Variants in ARPC2 observed in about 807,000 individuals in gnomAD.
ARPC2 encodes actin-related protein 2/3 complex subunit 2.
In ARPC2, 4 loss-of-function variants were observed where a neutral mutation model predicts 38.6. The ratio of observed to expected loss-of-function variants is 0.10; its 90% CI spans 0.05 to 0.24. The LOEUF (loss-of-function observed/expected upper bound fraction) is 0.24. Ranked by LOEUF, ARPC2 falls within the 10% of genes least tolerant of loss-of-function variation. ARPC2 has a pLI of 1.00. For synonymous variants in ARPC2, 125 were observed against 140.8 expected (o/e 0.89, Z 0.79); for missense variants, 229 against 387.3 (o/e 0.59, Z 3.43).
chr2:218,217,407 C>T, intron 1 of ARPC2, 56 bp from the exon 2 acceptor site: 2 of 1,565,414 alleles, frequency 1.3e-6, no homozygotes, highest in Non-Finnish European at 1.8e-6. Flanking sequence ...CTCCCTCCGT[C>T]CTTGCCTCCC....
intron 7 of ARPC2, 98 bp from the exon 8 acceptor site, chr2:218,245,322 C>A: frequency 6.7e-7 from 1 of 1,496,474 alleles, no homozygotes; most frequent in Non-Finnish European, 9.1e-7. Flanking sequence ...GTCTGGAGGG[C>A]TACAAAGGTC....
chr2:218,217,344 T>C, intron 1 of ARPC2, 90 bp downstream of exon 1: 1 of 606,360 alleles, frequency 1.6e-6, no homozygotes. Context: ...CCCTCTCCCC[T>C]TCTCCCCTAA....
At chr2:218,253,089 C>A in intron 10 of ARPC2, 1 of 426,156 alleles carries the variant, frequency 2.3e-6, no homozygotes, top group South Asian at 1.7e-5. Context: ...CTCGATGGGC[C>A]GCCCAGAATT....
intron 2 of ARPC2, among the ~76,000 whole-genome samples, chr2:218,222,833 G>A (rs1689414585): frequency 6.6e-6 from 1 of 152,152 alleles, no homozygotes; most frequent in African/African-American, 2.4e-5. Context: ...GAGGATTGGG[G>A]GTGGGGGTAG....
chr2:218,218,802 ATTTTATC>A (rs1254517544), intron 2 of ARPC2, among the ~76,000 whole-genome samples: 1 of 152,222 alleles, frequency 6.6e-6, no homozygotes, highest in Non-Finnish European at 1.5e-5. Context: ...AAGGCCACAG[ATTTTATC>A]TGTAAAACAA....
chr2:218,233,882 C>T (rs1410279606), intron 4 of ARPC2: 7 of 152,864 alleles, frequency 4.6e-5, no homozygotes, highest in Non-Finnish European at 1.0e-4. Flanking sequence ...TAAAGATTCT[C>T]GGCCAGGCAT....
At chr2:218,245,380 A>G in intron 7 of ARPC2, 40 bp from the exon 8 acceptor site, 1 of 1,613,074 alleles carries the variant, frequency 6.2e-7, no homozygotes. Context: ...CTCATCTTAC[A>G]CCCACTTCTC....
intron 3 of ARPC2, chr2:218,227,007 CAG>C (rs1161521198): frequency 4.4e-6 from 2 of 456,550 alleles, no homozygotes; most frequent in Non-Finnish European, 8.8e-6. Flanking sequence ...TGAATGAACT[CAG>C]AGGAATACAA....
chr2:218,244,357 T>C (rs1291598831), intron 7 of ARPC2, among the ~76,000 whole-genome samples: 1 of 152,232 alleles, frequency 6.6e-6, no homozygotes, highest in Non-Finnish European at 1.5e-5. Context: ...AATCAGTGTT[T>C]ATTCTTCCTG....
intron 3 of ARPC2, among the ~76,000 whole-genome samples, chr2:218,227,927 T>C (rs1156543474): frequency 6.6e-6 from 1 of 152,174 alleles, no homozygotes; most frequent in Non-Finnish European, 1.5e-5. Flanking sequence ...TAAGAAATTG[T>C]TTTTAAAAAT....
intron 4 of ARPC2, among the ~76,000 whole-genome samples, chr2:218,229,925 A>G (rs577813629): frequency 1.3e-5 from 2 of 152,270 alleles, no homozygotes; most frequent in East Asian, 1.9e-4. Flanking sequence ...ACACTTCTTT[A>G]CCAGATAAAG....
At chr2:218,248,117 T>C (rs1030669149) in intron 8 of ARPC2, among the ~76,000 whole-genome samples, 1 of 152,194 alleles carries the variant, frequency 6.6e-6, no homozygotes, top group Non-Finnish European at 1.5e-5. Context: ...TCTTTGAAGC[T>C]GGGATGCATC....
intron 2 of ARPC2, among the ~76,000 whole-genome samples, chr2:218,222,975 T>C (rs1689418563): frequency 6.6e-6 from 1 of 152,208 alleles, no homozygotes. Context: ...GTAAATGGTC[T>C]AGCCTCTCAG....
In ARPC2 at chr2:218,239,337, G is replaced by C. The variant is rs970694340; in HGVS notation, c.456-54G>C. 6.8e-6 allele frequency: 9 copies of C among 1,325,324 alleles called. No homozygotes were observed. In the African/African-American group the frequency reaches 8.7e-5, roughly 13 times the overall value. 82.1% of individuals were successfully genotyped at this position (1,325,324 alleles called of 1,614,324 possible). On this transcript the variant is annotated intron_variant, in intron 6 of 10. Coordinates refer to ENST00000315717, the MANE Select transcript of ARPC2 (RefSeq NM_152862.3). ...TGATGTACTTGTAGATCAAGTTATT[G>C]ACAAAACCCCATTCTGATTCTGTAC...
At chr2:218,246,261 G>T (rs374290750) in intron 8 of ARPC2, among the ~76,000 whole-genome samples, 21 of 150,598 alleles carry the variant, frequency 1.4e-4, no homozygotes, top group African/African-American at 4.9e-4. Flanking sequence ...GGTGTCTCAC[G>T]CCTGTAATCC....
intron 2 of ARPC2, 91 bp downstream of exon 2, chr2:218,217,635 AGAGAAATGGGGTGC>A: frequency 7.4e-7 from 1 of 1,344,488 alleles, no homozygotes; most frequent in Non-Finnish European, 1.0e-6. Flanking sequence ...GACCTGGAGG[AGAGAAATGGGGTGC>A]CTGGCAGGGT....
chr2:218,254,018 A>G lies in ARPC2; in HGVS notation c.*103A>G, dbSNP rs1574599517. On this transcript the variant is annotated 3_prime_UTR_variant, in exon 11 of 11. Coordinates refer to ENST00000315717, the MANE Select transcript of ARPC2 (RefSeq NM_152862.3). ...TTGCGCCTCTTCAGGTTCTTAAGGG[A>G]TTCTCCGTTTTGGTTCCATTTTGTA... The G allele has an allele frequency of 6.6e-7, 1 of 1,504,774 alleles. No homozygotes were observed. Among genetic ancestry groups the G allele is most frequent in the South Asian group, 1.2e-5 (1 of 86,000 alleles). 93.2% of individuals were successfully genotyped at this position (1,504,774 alleles called of 1,614,324 possible).
intron 5 of ARPC2, chr2:218,234,808 G>A (rs914707335): frequency 2.2e-6 from 1 of 459,310 alleles, no homozygotes; most frequent in African/African-American, 2.0e-5. Context: ...CACTATTCTT[G>A]TGATTTCAAG....
chr2:218,251,838 T>A (rs943687061), intron 10 of ARPC2, among the ~76,000 whole-genome samples: 2 of 152,204 alleles, frequency 1.3e-5, no homozygotes, highest in African/African-American at 2.4e-5. Context: ...TGAGGGCTCT[T>A]CTACCAAGTT....
Sources: allele counts gnomAD v4.1 joint callset (sites outside exome capture counted in the v4.1 genomes callset), GRCh38; gene constraint gnomAD v4.1.1; transcripts MANE v1.5; gene names NCBI Gene and HGNC (gene_info 2026-07-23, HGNC 2026-07-21).